The following CBLN2 variants were observed in gnomAD, a reference collection of about 807,000 sequenced individuals.
CBLN2 encodes cerebellin 2 precursor, also known as cerebellin-2.
A neutral mutation model predicts 15.0 loss-of-function variants in CBLN2; 7 were observed. The observed-to-expected ratio is 0.47, with a 90% CI of 0.27 to 0.88. The LOEUF (loss-of-function observed/expected upper bound fraction) is 0.88. CBLN2 is among the 40% of genes least tolerant of loss of function. The pLI is 0.14. For missense variants in CBLN2, 242 were observed against 304.5 expected, an observed-to-expected ratio of 0.79 and a Z score of 1.53; for synonymous variants, 149 against 135.2, an observed-to-expected ratio of 1.10 and a Z score of -0.71.
intron 1 of CBLN2, among the ~76,000 whole-genome samples, chr18:72,601,401 G>C (rs1229753419): frequency 2.6e-5 from 4 of 151,776 alleles, no homozygotes; most frequent in Admixed American, 2.6e-4. Context: ...GTTGAGGGTA[G>C]AGGGAGGTGT....
chr18:72,549,961 G>A (rs1296913501), intron 1 of CBLN2, among the ~76,000 whole-genome samples: 1 of 152,176 alleles, frequency 6.6e-6, no homozygotes, highest in East Asian at 1.9e-4. Flanking sequence ...GTTCCTAACA[G>A]CAATAGCAGA....
intron 1 of CBLN2, among the ~76,000 whole-genome samples, chr18:72,625,730 A>G (rs1470753845): frequency 1.1e-5 from 1 of 89,144 alleles, no homozygotes; most frequent in African/African-American, 4.0e-5. Context: ...ATATATACAC[A>G]CTCTTGTCCG....
chr18:72,615,101 T>C (rs193294635), intron 1 of CBLN2, among the ~76,000 whole-genome samples: 1 of 131,492 alleles, frequency 7.6e-6, no homozygotes, highest in Non-Finnish European at 1.6e-5. Context: ...ATAAATATAT[T>C]TATACATTTT....
intron 1 of CBLN2, among the ~76,000 whole-genome samples, chr18:72,637,549 C>A (rs1015083489): frequency 1.3e-5 from 2 of 152,188 alleles, no homozygotes; most frequent in Admixed American, 6.5e-5. Context: ...GAACAGCTAC[C>A]GTGACAGGAA....
intron 1 of CBLN2, among the ~76,000 whole-genome samples, chr18:72,576,564 T>C (rs139089718): frequency 5.9e-5 from 9 of 152,308 alleles, no homozygotes; most frequent in African/African-American, 2.2e-4. Context: ...TCAATGCTAT[T>C]ATAACATTGT....
chr18:72,589,620 G>C (rs994915020), intron 1 of CBLN2, among the ~76,000 whole-genome samples: 4 of 152,168 alleles, frequency 2.6e-5, no homozygotes, highest in African/African-American at 9.7e-5. Flanking sequence ...TTAGCAACTA[G>C]CATACTACTG....
chr18:72,622,885 C>T (rs994751148), intron 1 of CBLN2, among the ~76,000 whole-genome samples: 2 of 152,142 alleles, frequency 1.3e-5, no homozygotes, highest in Admixed American at 6.6e-5. Flanking sequence ...TTAAACATAA[C>T]TTATGGATAT....
intron 1 of CBLN2, among the ~76,000 whole-genome samples, chr18:72,579,938 G>A (rs2069392116): frequency 6.6e-6 from 1 of 151,892 alleles, no homozygotes; most frequent in African/African-American, 2.4e-5. Flanking sequence ...TAAGGAAATG[G>A]AGAATTTAGG....
intron 1 of CBLN2, among the ~76,000 whole-genome samples, chr18:72,575,987 C>A (rs542908900): frequency 1.3e-5 from 2 of 152,086 alleles, no homozygotes; most frequent in African/African-American, 4.8e-5. Flanking sequence ...CCCAATCCTT[C>A]CATTTTGTAA....
intron 1 of CBLN2, among the ~76,000 whole-genome samples, chr18:72,603,376 G>C (rs780461545): frequency 6.6e-6 from 1 of 150,746 alleles, no homozygotes; most frequent in Non-Finnish European, 1.5e-5. Flanking sequence ...GAAAGCTGCG[G>C]GTCCCTTTTT....
At chr18:72,538,985 T>C in intron 3 of CBLN2, 9 of 520,696 alleles carry the variant, frequency 1.7e-5, no homozygotes, top group Non-Finnish European at 3.0e-5. Context: ...TTTTAATAAA[T>C]TGTAACTAAT....
chr18:72,607,097 G>C (rs1243291921), intron 1 of CBLN2, among the ~76,000 whole-genome samples: 1 of 152,076 alleles, frequency 6.6e-6, no homozygotes, highest in Non-Finnish European at 1.5e-5. Flanking sequence ...AGGAAGCTTG[G>C]GCACAGGCAT....
upstream of CBLN2, among the ~76,000 whole-genome samples, chr18:72,546,456 G>T (rs913315342): frequency 6.7e-6 from 1 of 149,652 alleles, no homozygotes; most frequent in Non-Finnish European, 1.5e-5. Flanking sequence ...AAAAAAAAAA[G>T]ATATTTAAGT....
At chr18:72,618,650 GA>G in intron 1 of CBLN2, 1 of 919,068 alleles carries the variant, frequency 1.1e-6, no homozygotes, top group Non-Finnish European at 1.7e-6. Flanking sequence ...GAACAGTCTG[GA>G]AAAATCGAAG....
At chr18:72,584,641 T>A (rs1003110237) in intron 1 of CBLN2, among the ~76,000 whole-genome samples, 2 of 152,198 alleles carry the variant, frequency 1.3e-5, no homozygotes, top group Non-Finnish European at 2.9e-5. Flanking sequence ...GCTTATACAT[T>A]CTTTTATAGG....
intron 1 of CBLN2, among the ~76,000 whole-genome samples, chr18:72,580,745 A>G (rs1599009035): frequency 6.6e-6 from 1 of 152,248 alleles, no homozygotes; most frequent in South Asian, 2.1e-4. Flanking sequence ...CTGCTGATCA[A>G]CATTTAGATT....
At chr18:72,565,775 C>A (rs1274101028) in intron 1 of CBLN2, among the ~76,000 whole-genome samples, 1 of 152,050 alleles carries the variant, frequency 6.6e-6, no homozygotes, top group Non-Finnish European at 1.5e-5. Flanking sequence ...TGGCTAAGTC[C>A]TCAAAGGCAC....
At chr18:72,617,898 T>TAAGAAA (rs1419211220) in intron 1 of CBLN2, among the ~76,000 whole-genome samples, 1 of 152,076 alleles carries the variant, frequency 6.6e-6, no homozygotes, top group Non-Finnish European at 1.5e-5. Flanking sequence ...AGAGTAATTA[T>TAAGAAA]GTTGTAAAAT....
intron 1 of CBLN2, among the ~76,000 whole-genome samples, chr18:72,584,293 G>GA (rs1040235087): frequency 7.5e-5 from 11 of 146,958 alleles, no homozygotes; most frequent in South Asian, 2.1e-4. Context: ...GCTCTCTTCA[G>GA]AAAAAAAAAT....
Sources: gnomAD v4.1 joint callset for allele counts (sites outside exome capture counted in the v4.1 genomes callset) on GRCh38, gnomAD v4.1.1 for gene constraint, MANE v1.5 for transcripts, NCBI Gene and HGNC (gene_info 2026-07-23, HGNC 2026-07-21) for gene names.